The following RAB11FIP4 variants were observed in gnomAD, a reference collection of about 807,000 sequenced individuals.
RAB11FIP4 encodes RAB11 family interacting protein 4, also known as rab11 family-interacting protein 4.
RAB11FIP4 carries 23 observed loss-of-function variants against 74.3 expected under a neutral mutation model. The ratio of observed to expected loss-of-function variants is 0.31; its 90% CI spans 0.22 to 0.44. The LOEUF (loss-of-function observed/expected upper bound fraction) is 0.44. Among genes scored for constraint, RAB11FIP4 ranks in the 20% least tolerant of loss-of-function variants. The pLI is 1.00. For synonymous variants in RAB11FIP4, 360 were observed against 359.9 expected, an observed-to-expected ratio of 1.00 and a Z score of 0.00; for missense variants, 630 against 863.9, an observed-to-expected ratio of 0.73 and a Z score of 3.39.
intron 3 of RAB11FIP4, among the ~76,000 whole-genome samples, chr17:31,470,284 A>C (rs2071725451): frequency 6.6e-6 from 1 of 152,162 alleles, no homozygotes; most frequent in Non-Finnish European, 1.5e-5. Context: ...ATGGGTATGC[A>C]GATCTGGCCC....
intron 3 of RAB11FIP4, chr17:31,501,798 G>A (rs1028287682): frequency 2.1e-5 from 4 of 190,134 alleles, no homozygotes; most frequent in East Asian, 1.8e-4. Context: ...GTAATCCACC[G>A]CACCCAGCCC....
intron 1 of RAB11FIP4, among the ~76,000 whole-genome samples, chr17:31,410,001 C>T (rs2071078095): frequency 6.6e-6 from 1 of 152,152 alleles, no homozygotes; most frequent in Admixed American, 6.5e-5. Context: ...TTCCAGCTTG[C>T]CGGCTCTATG....
intron 3 of RAB11FIP4, among the ~76,000 whole-genome samples, chr17:31,436,297 C>A (rs1329080015): frequency 6.6e-6 from 1 of 152,192 alleles, no homozygotes; most frequent in Non-Finnish European, 1.5e-5. Flanking sequence ...TTCCTCGCCG[C>A]CTGCTGCTGT....
Position 31,528,488 on chromosome 17 carries a change from A to G in RAB11FIP4, c.1439A>G (p.Asp480Gly). Residue 480 changes from aspartate (D) to glycine (G), a missense_variant, in exon 12 of 15, where the codon GAC becomes GGC. Coordinates refer to ENST00000621161, the MANE Select transcript of RAB11FIP4 (RefSeq NM_032932.6). ...ATGGACCTGTACAAGCGCATGATGG[A>G]CAAGCTGCGACAGAACCGCCTTGAG... ...DEMDLYKRMM[D>G]KLRQNRLEFQ... 1 of 1,613,816 alleles carries G rather than the reference A, an allele frequency of 6.2e-7. No homozygotes were observed. The highest frequency in any genetic ancestry group is 8.5e-7 in the Non-Finnish European group (1 of 1,180,044).
intron 1 of RAB11FIP4, among the ~76,000 whole-genome samples, chr17:31,427,041 C>T (rs2071259443): frequency 6.6e-6 from 1 of 152,224 alleles, no homozygotes; most frequent in African/African-American, 2.4e-5. Context: ...TCACTGCAAC[C>T]TCCACCTCCC....
intron 3 of RAB11FIP4, among the ~76,000 whole-genome samples, chr17:31,483,876 A>T (rs1283278838): frequency 6.6e-6 from 1 of 151,956 alleles, no homozygotes; most frequent in Non-Finnish European, 1.5e-5. Context: ...ACACCATCCA[A>T]TGTTGAGCTA....
chr17:31,503,102 G>T (rs1216444716), intron 3 of RAB11FIP4, among the ~76,000 whole-genome samples: 2 of 151,964 alleles, frequency 1.3e-5, no homozygotes, highest in Admixed American at 6.6e-5. Context: ...GCACTATCTC[G>T]GCTCACTGCA....
At chr17:31,460,338 C>T (rs1300651310) in intron 3 of RAB11FIP4, among the ~76,000 whole-genome samples, 1 of 152,192 alleles carries the variant, frequency 6.6e-6, no homozygotes, top group East Asian at 1.9e-4. Flanking sequence ...AGAGCATGGA[C>T]GTCAAGAGTC....
At chr17:31,510,545 G>T (rs1179978241) in intron 3 of RAB11FIP4, among the ~76,000 whole-genome samples, 1 of 152,246 alleles carries the variant, frequency 6.6e-6, no homozygotes, top group African/African-American at 2.4e-5. Context: ...GGGTGGATGA[G>T]CTGGAACCTC....
intron 3 of RAB11FIP4, among the ~76,000 whole-genome samples, chr17:31,436,907 C>A (rs2071363950): frequency 6.6e-6 from 1 of 151,910 alleles, no homozygotes; most frequent in Admixed American, 6.6e-5. Flanking sequence ...CCTGCCTCAG[C>A]CTCCTGAGTA....
rs2142839599 is a variant in RAB11FIP4, at chr17:31,533,518, A to C, written c.*1786A>C. The C allele has an allele frequency of 6.6e-6, 1 of 152,414 alleles. No homozygotes were observed. The highest frequency in any genetic ancestry group is 1.9e-4 in the East Asian group (1 of 5,178). 9.4% of individuals were successfully genotyped at this position (152,414 alleles called of 1,614,324 possible). On this transcript the variant is annotated 3_prime_UTR_variant, in exon 15 of 15. Transcript: ENST00000621161. The stretch of plus-strand genomic sequence containing the variant: ...GGTCTCTTGAGAATTTGCCAATAGG[A>C]AGGAGTGGCCACGGCTGAAAGGAAC...
At chr17:31,441,094 T>A (rs765642375) in intron 3 of RAB11FIP4, among the ~76,000 whole-genome samples, 7 of 151,654 alleles carry the variant, frequency 4.6e-5, no homozygotes, top group Non-Finnish European at 1.0e-4. Flanking sequence ...GCTGGATCTC[T>A]GCTCACTGCA....
Position 31,537,212 on chromosome 17 carries a change from C to T in RAB11FIP4, c.*5480C>T. 1 of 399,446 alleles carries T rather than the reference C, an allele frequency of 2.5e-6. No homozygotes were observed. The highest frequency in any genetic ancestry group is 4.4e-6 in the Non-Finnish European group (1 of 226,198). The allele number at this position is 399,446 out of a possible 1,614,324, so 24.7% of individuals were successfully genotyped here. On this transcript the variant is annotated 3_prime_UTR_variant, in exon 15 of 15. Transcript: ENST00000621161. The stretch of plus-strand genomic sequence containing the variant: ...CTCCTTTTCTACATCGTCTCATCTC[C>T]CTGGCCTTTCCCGAGCCCTGTAAAT...
intron 4 of RAB11FIP4, among the ~76,000 whole-genome samples, chr17:31,519,915 C>G (rs963006133): frequency 3.9e-4 from 59 of 151,526 alleles, no homozygotes; most frequent in African/African-American, 1.3e-3. Context: ...GAGTTTGAGA[C>G]CAGCCTGGCC....
intron 8 of RAB11FIP4, 29 bp downstream of exon 8, chr17:31,523,640 T>C (rs1265662723): frequency 6.4e-7 from 1 of 1,573,832 alleles, no homozygotes; most frequent in Admixed American, 1.7e-5. Flanking sequence ...GAGAAGGGAC[T>C]GAATGCATGC....
At chr17:31,473,231 C>A (rs1359041164) in intron 3 of RAB11FIP4, among the ~76,000 whole-genome samples, 1 of 151,912 alleles carries the variant, frequency 6.6e-6, no homozygotes, top group Non-Finnish European at 1.5e-5. Flanking sequence ...AATGACAAGA[C>A]CTGCCTGATG....
chr17:31,416,751 T>C (rs765460921), intron 1 of RAB11FIP4, among the ~76,000 whole-genome samples: 36 of 152,058 alleles, frequency 2.4e-4, no homozygotes, highest in Non-Finnish European at 4.4e-4. Context: ...TGCTGTGCGG[T>C]GAGGCCAGCA....
chr17:31,522,582 T>G, intron 7 of RAB11FIP4, 187 bp downstream of exon 7: 1 of 590,488 alleles, frequency 1.7e-6, no homozygotes, highest in East Asian at 2.9e-5. Context: ...GGCCAGCTCC[T>G]CCCTGCTCTC....
intron 3 of RAB11FIP4, among the ~76,000 whole-genome samples, chr17:31,491,466 G>A (rs2072007160): frequency 6.6e-6 from 1 of 152,222 alleles, no homozygotes; most frequent in Non-Finnish European, 1.5e-5. Flanking sequence ...GAGCAGGGAA[G>A]GGGAGGGAGT....
Sources: gnomAD v4.1 joint callset for allele counts (sites outside exome capture counted in the v4.1 genomes callset) on GRCh38, gnomAD v4.1.1 for gene constraint, MANE v1.5 for transcripts, NCBI Gene and HGNC (gene_info 2026-07-23, HGNC 2026-07-21) for gene names.